The following PDE7B variants were observed in gnomAD, a reference collection of about 807,000 sequenced individuals.
The protein encoded by PDE7B is 3',5'-cyclic-AMP phosphodiesterase 7B.
In PDE7B, 29 loss-of-function variants were observed where a neutral mutation model predicts 56.2. The ratio of observed to expected loss-of-function variants is 0.52; its 90% CI spans 0.38 to 0.70. PDE7B has a LOEUF of 0.70. PDE7B is among the 30% of genes least tolerant of loss of function. The pLI is 0.00. For synonymous variants in PDE7B, 197 were observed against 196.9 expected, an observed-to-expected ratio of 1.00 and a Z score of 0.00; for missense variants, 490 against 565.0, an observed-to-expected ratio of 0.87 and a Z score of 1.35.
At chr6:135,886,926 C>G (rs748869372) in intron 1 of PDE7B, among the ~76,000 whole-genome samples, 21 of 152,102 alleles carry the variant, frequency 1.4e-4, no homozygotes, top group Non-Finnish European at 3.1e-4. Flanking sequence ...ACTTTGAGTT[C>G]TTTAAGGATC....
chr6:136,164,600 G>A (rs574647799), intron 8 of PDE7B, among the ~76,000 whole-genome samples: 135 of 152,206 alleles, frequency 8.9e-4, no homozygotes, highest in African/African-American at 3.0e-3. Flanking sequence ...TGAGTTTCTG[G>A]TAAGGATTAT....
chr6:135,982,972 T>C (rs1457880155), intron 2 of PDE7B, among the ~76,000 whole-genome samples: 1 of 152,188 alleles, frequency 6.6e-6, no homozygotes, highest in Non-Finnish European at 1.5e-5. Context: ...TGTCCTCATC[T>C]AGTTTTCATG....
intron 11 of PDE7B, among the ~76,000 whole-genome samples, chr6:136,185,427 T>C (rs1190364842): frequency 1.3e-5 from 2 of 151,968 alleles, no homozygotes; most frequent in African/African-American, 2.4e-5. Flanking sequence ...ATCTGTAAAA[T>C]GGGGATTATA....
At chr6:136,090,208 C>A (rs1777365564) in intron 2 of PDE7B, among the ~76,000 whole-genome samples, 1 of 152,098 alleles carries the variant, frequency 6.6e-6, no homozygotes, top group East Asian at 1.9e-4. Context: ...CTTCACGTGG[C>A]TATGAGAAAG....
chr6:136,148,899 CG>C (rs1281510141), intron 4 of PDE7B, among the ~76,000 whole-genome samples, 187 bp from the exon 5 acceptor site: 33 of 152,242 alleles, frequency 2.2e-4, no homozygotes, highest in African/African-American at 7.9e-4. Context: ...CGTGTTGTGA[CG>C]GTCTTTTTGT....
chr6:135,945,138 A>T (rs1408489321), intron 1 of PDE7B, among the ~76,000 whole-genome samples: 2 of 152,240 alleles, frequency 1.3e-5, no homozygotes, highest in Admixed American at 1.3e-4. Flanking sequence ...TAATTTGAAA[A>T]GGTTTAATGT....
intron 2 of PDE7B, among the ~76,000 whole-genome samples, chr6:136,095,133 T>G (rs922965322): frequency 9.2e-5 from 14 of 152,140 alleles, no homozygotes; most frequent in African/African-American, 3.4e-4. Context: ...ATTCTACAAT[T>G]AAAAAAATTA....
At chr6:136,048,532 TG>T (rs1776561645) in intron 2 of PDE7B, among the ~76,000 whole-genome samples, 1 of 151,944 alleles carries the variant, frequency 6.6e-6, no homozygotes. Context: ...GGCCAAGTTA[TG>T]GGGTATAAAA....
chr6:136,123,539 A>G (rs934960718), intron 3 of PDE7B, among the ~76,000 whole-genome samples: 1 of 152,218 alleles, frequency 6.6e-6, no homozygotes, highest in African/African-American at 2.4e-5. Context: ...GCTGCCTAAT[A>G]TATTAAAGGA....
chr6:135,937,441 C>T (rs1774441621), intron 1 of PDE7B, among the ~76,000 whole-genome samples: 1 of 152,072 alleles, frequency 6.6e-6, no homozygotes, highest in Non-Finnish European at 1.5e-5. Flanking sequence ...TCTAGCCATT[C>T]TTCATTTCCT....
chr6:136,131,627 C>G (rs1017127095), intron 3 of PDE7B, among the ~76,000 whole-genome samples: 3 of 151,416 alleles, frequency 2.0e-5, no homozygotes, highest in African/African-American at 7.3e-5. Context: ...GCTGGGGGCA[C>G]TAACCAATGT....
rs547902741 is a variant in PDE7B, at chr6:135,948,345, A to G, written c.82+821A>G. ...ATAATTTCTAAATTTTATTTTCACC[A>G]AATTTTTACCTTTGTAGATTCTAAC... On this transcript the variant is annotated intron_variant, in intron 2 of 12. Coordinates refer to ENST00000308191, the MANE Select transcript of PDE7B (RefSeq NM_018945.4). Among the ~76,000 whole-genome samples the G allele has an allele frequency of 3.4e-4, 51 of 152,144 alleles. No homozygotes were observed. In the South Asian group the frequency reaches 0.01, roughly 31 times the overall value.
At chr6:135,894,872 C>T (rs1261051908) in intron 1 of PDE7B, among the ~76,000 whole-genome samples, 1 of 152,078 alleles carries the variant, frequency 6.6e-6, no homozygotes, top group Non-Finnish European at 1.5e-5. Context: ...ATTTCAATCT[C>T]GCCTGCAAAA....
At chr6:135,936,772 G>A (rs1774429092) in intron 1 of PDE7B, among the ~76,000 whole-genome samples, 1 of 152,170 alleles carries the variant, frequency 6.6e-6, no homozygotes, top group African/African-American at 2.4e-5. Context: ...AGGATCCAGA[G>A]GCCTGACTGT....
Position 136,137,692 on chromosome 6 carries a change from AAATT to A in PDE7B, c.167-9655_167-9652del, listed in dbSNP as rs1424707671. Among the ~76,000 whole-genome samples, 5 of 152,142 alleles carry A rather than the reference AAATT, an allele frequency of 3.3e-5. No individual in the cohort carries two copies. In the East Asian group the frequency reaches 9.6e-4, roughly 29 times the overall value. On this transcript the variant is annotated intron_variant, in intron 3 of 12. Coordinates refer to ENST00000308191, the MANE Select transcript of PDE7B (RefSeq NM_018945.4). ...AGATTTAAGGTTTCTCCTGGTACCA[AAATT>A]AATCAGCCCCTATACAGAGACTATT...
chr6:136,045,133 CAG>C (rs1453668620), intron 2 of PDE7B, among the ~76,000 whole-genome samples: 2 of 151,560 alleles, frequency 1.3e-5, no homozygotes, highest in African/African-American at 4.9e-5. Context: ...CTTTAATTTT[CAG>C]TACTCTTGAT....
intron 11 of PDE7B, among the ~76,000 whole-genome samples, chr6:136,184,952 G>A (rs1224710116): frequency 1.3e-5 from 2 of 152,174 alleles, no homozygotes; most frequent in Non-Finnish European, 2.9e-5. Context: ...GCTCAGATGA[G>A]ATGGAGGGTG....
At chr6:136,106,378 A>G (rs1777645530) in intron 2 of PDE7B, among the ~76,000 whole-genome samples, 1 of 152,212 alleles carries the variant, frequency 6.6e-6, no homozygotes, top group Non-Finnish European at 1.5e-5. Context: ...AACCAGGTCT[A>G]CACACTCCCT....
intron 10 of PDE7B, 38 bp from the exon 11 acceptor site, chr6:136,181,189 A>T (rs1484867893): frequency 6.8e-7 from 1 of 1,474,290 alleles, no homozygotes; most frequent in East Asian, 2.3e-5. Context: ...CTGAAAGAAC[A>T]TCCTCTCACA....
Sources: gnomAD v4.1 joint callset for allele counts (sites outside exome capture counted in the v4.1 genomes callset) on GRCh38, gnomAD v4.1.1 for gene constraint, MANE v1.5 for transcripts, NCBI Gene and HGNC (gene_info 2026-07-23, HGNC 2026-07-21) for gene names.